The following THSD7A variants were observed in gnomAD, a reference collection of about 807,000 sequenced individuals.
THSD7A encodes the protein thrombospondin type 1 domain containing 7A, also known as thrombospondin type-1 domain-containing protein 7A.
Under a neutral mutation model 231.3 loss-of-function variants are expected in THSD7A, and 96 were observed. The ratio of observed to expected loss-of-function variants is 0.41; its 90% CI spans 0.35 to 0.49. The LOEUF is 0.49. THSD7A is among the 20% of genes least tolerant of loss of function. THSD7A has a pLI of 0.05. For missense variants in THSD7A, 2,290 were observed against 2,070.2 expected (o/e 1.11, Z -2.06); for synonymous variants, 940 against 743.3 (o/e 1.26, Z -4.30).
chr7:11,625,796 T>C (rs1430998933), intron 2 of THSD7A, among the ~76,000 whole-genome samples: 1 of 152,122 alleles, frequency 6.6e-6, no homozygotes, highest in Non-Finnish European at 1.5e-5. Flanking sequence ...TATTTAAAAC[T>C]ATTCTTGTTT....
chr7:11,654,746 C>A (rs1208340654), intron 1 of THSD7A, among the ~76,000 whole-genome samples: 1 of 151,848 alleles, frequency 6.6e-6, no homozygotes, highest in Non-Finnish European at 1.5e-5. Context: ...AAGACACATG[C>A]AGATGAATAA....
intron 1 of THSD7A, among the ~76,000 whole-genome samples, chr7:11,796,458 A>G (rs552802891): frequency 6.6e-6 from 1 of 152,036 alleles, no homozygotes; most frequent in Admixed American, 6.6e-5. Flanking sequence ...ATTTCATCAC[A>G]CTTTCATATT....
chr7:11,588,731 C>A (rs1031322467), intron 4 of THSD7A, among the ~76,000 whole-genome samples: 6 of 152,166 alleles, frequency 3.9e-5, no homozygotes, highest in African/African-American at 1.2e-4. Flanking sequence ...AAACTAAAAT[C>A]TGATCTACCT....
At chr7:11,534,889 G>A (rs182718561) in intron 6 of THSD7A, among the ~76,000 whole-genome samples, 241 of 152,256 alleles carry the variant, frequency 1.6e-3, no homozygotes, top group African/African-American at 5.2e-3. Context: ...TGTGACTGTT[G>A]CCCCAGCTAC....
intron 6 of THSD7A, among the ~76,000 whole-genome samples, chr7:11,529,427 G>A (rs1298078556): frequency 6.6e-6 from 1 of 152,128 alleles, no homozygotes; most frequent in Non-Finnish European, 1.5e-5. Flanking sequence ...TGGTTTGCGT[G>A]TGTCCCGACC....
chr7:11,574,888 T>C (rs904900459), intron 4 of THSD7A, among the ~76,000 whole-genome samples: 3 of 152,182 alleles, frequency 2.0e-5, no homozygotes, highest in African/African-American at 7.2e-5. Flanking sequence ...ATAGCTTTTC[T>C]CTAGCATAAA....
chr7:11,667,942 T>C (rs1783209509), intron 1 of THSD7A, among the ~76,000 whole-genome samples: 1 of 152,172 alleles, frequency 6.6e-6, no homozygotes, highest in South Asian at 2.1e-4. Context: ...AAGTGTACTC[T>C]TTTAGAATAA....
intron 1 of THSD7A, among the ~76,000 whole-genome samples, chr7:11,784,819 C>T (rs1783737444): frequency 6.6e-6 from 1 of 151,980 alleles, no homozygotes; most frequent in Admixed American, 6.6e-5. Flanking sequence ...TTAGAGTGAG[C>T]AAATGTTAAG....
chr7:11,638,025 G>A (rs1163157845), intron 1 of THSD7A, among the ~76,000 whole-genome samples: 2 of 152,180 alleles, frequency 1.3e-5, no homozygotes, highest in Non-Finnish European at 2.9e-5. Flanking sequence ...CATCTGTTGT[G>A]TGGGAAGGTG....
At position 11,370,747 on chromosome 7, in the gene THSD7A, C is replaced by G. The variant is rs1333423654; in HGVS notation, c.*5047G>C. ...CAGGTAGTTAAATTAACATAAAATA[C>G]ACATTTAGGGAATAATAATTTATAG... On this transcript the variant is annotated 3_prime_UTR_variant, in exon 28 of 28. Transcript: ENST00000423059. 6.6e-6 allele frequency: 1 copy of G among 151,980 alleles called. No homozygotes were observed. The highest frequency in any genetic ancestry group is 1.5e-5 in the Non-Finnish European group (1 of 67,974). The allele number at this position is 151,980 out of a possible 1,614,324, so 9.4% of individuals were successfully genotyped here. A position where few individuals can be genotyped will look rare whatever the true frequency, so the allele number is the denominator to read the frequency against.
chr7:11,476,318 T>TACACACACACACACAC (rs59127235), intron 7 of THSD7A, among the ~76,000 whole-genome samples: 2 of 137,300 alleles, frequency 1.5e-5, no homozygotes, highest in Non-Finnish European at 3.2e-5. Context: ...CTCTGGAAGA[T>TACACACACACACACAC]ACACACACAC....
At chr7:11,547,129 T>A (rs1171500036) in intron 4 of THSD7A, among the ~76,000 whole-genome samples, 5 of 152,264 alleles carry the variant, frequency 3.3e-5, no homozygotes, top group Non-Finnish European at 7.3e-5. Flanking sequence ...CCACCAGACC[T>A]GCCTTACAAG....
At chr7:11,780,368 A>G (rs1307551656) in intron 1 of THSD7A, among the ~76,000 whole-genome samples, 1 of 152,166 alleles carries the variant, frequency 6.6e-6, no homozygotes, top group East Asian at 1.9e-4. Flanking sequence ...AAAATGCATG[A>G]CTTTCGTGGC....
rs184137042 is a variant in THSD7A at position 11,418,112 on chromosome 7, T to C, written c.3384-509A>G. ...TGAAATCTCTAAGTGGGAGATTTCA[T>C]TGAGTGTTTTTGAAAACAACTAGAG... is the stretch of plus-strand genomic sequence containing the variant. On this transcript the variant is annotated intron_variant, in intron 16 of 27. Transcript: ENST00000423059. Among the ~76,000 whole-genome samples the C allele has an allele frequency of 3.9e-5, 6 of 152,322 alleles. No homozygotes were observed. The East Asian group carries it at 9.7e-4, about 25-fold the overall frequency.
chr7:11,378,381 G>T (rs988314999), intron 26 of THSD7A, among the ~76,000 whole-genome samples: 2 of 152,170 alleles, frequency 1.3e-5, no homozygotes, highest in African/African-American at 4.8e-5. Context: ...AACTGAGGAG[G>T]GAAAGTGTGC....
At chr7:11,491,589 A>G (rs1453026251) in intron 6 of THSD7A, among the ~76,000 whole-genome samples, 1 of 151,622 alleles carries the variant, frequency 6.6e-6, no homozygotes, top group Non-Finnish European at 1.5e-5. Flanking sequence ...ACAGTACTTA[A>G]TGAGAGGAAT....
At chr7:11,462,760 A>T (rs1219634688) in intron 9 of THSD7A, among the ~76,000 whole-genome samples, 1 of 152,120 alleles carries the variant, frequency 6.6e-6, no homozygotes, top group Non-Finnish European at 1.5e-5. Flanking sequence ...CAGACTTTTT[A>T]GAGAAGCAGT....
intron 1 of THSD7A, among the ~76,000 whole-genome samples, chr7:11,791,952 A>G (rs1378203775): frequency 6.6e-6 from 1 of 151,844 alleles, no homozygotes; most frequent in East Asian, 1.9e-4. Context: ...CTGGTGATCT[A>G]TTCATTCCAT....
chr7:11,563,213 C>T (rs1790149664), intron 4 of THSD7A, among the ~76,000 whole-genome samples: 2 of 151,942 alleles, frequency 1.3e-5, no homozygotes, highest in South Asian at 2.1e-4. Flanking sequence ...AAATTTATAA[C>T]ACATTGTTTT....
Sources: gnomAD v4.1 joint callset for allele counts (sites outside exome capture counted in the v4.1 genomes callset) on GRCh38, gnomAD v4.1.1 for gene constraint, MANE v1.5 for transcripts, NCBI Gene and HGNC (gene_info 2026-07-23, HGNC 2026-07-21) for gene names.